Variants in JMJD1C observed in about 807,000 individuals in gnomAD.
The protein encoded by JMJD1C is jumonji domain-containing protein 1C.
JMJD1C carries 31 observed loss-of-function variants against 245.3 expected under a neutral mutation model. The observed-to-expected ratio is 0.13, with a 90% CI of 0.09 to 0.17. The LOEUF (loss-of-function observed/expected upper bound fraction) is 0.17, where lower values mean the gene tolerates loss of function less well. Ranked by LOEUF, JMJD1C falls within the 10% of genes least tolerant of loss-of-function variation. JMJD1C has a pLI of 1.00. For missense variants in JMJD1C, 2,691 were observed against 3,000.2 expected (o/e 0.90, Z 2.41); for synonymous variants, 1,057 against 1,017.4 (o/e 1.04, Z -0.74).
At chr10:63,221,537 T>C (rs1848598180) in intron 3 of JMJD1C, among the ~76,000 whole-genome samples, 3 of 152,176 alleles carry the variant, frequency 2.0e-5, no homozygotes, top group Admixed American at 2.0e-4. Flanking sequence ...AAATCTGTCA[T>C]TTTGGGAGAA....
At chr10:63,436,580 T>C (rs139592982) in intron 1 of JMJD1C, among the ~76,000 whole-genome samples, 233 of 152,320 alleles carry the variant, frequency 1.5e-3, no homozygotes, top group Non-Finnish European at 1.1e-3. Flanking sequence ...CATCATGCCA[T>C]TCAATATTAT....
intron 3 of JMJD1C, among the ~76,000 whole-genome samples, chr10:63,260,261 C>G (rs1286907877): frequency 6.6e-6 from 1 of 152,064 alleles, no homozygotes; most frequent in Non-Finnish European, 1.5e-5. Context: ...AATGTGATGC[C>G]TAAAAATACT....
At chr10:63,203,714 G>A in intron 10 of JMJD1C, 3 of 983,108 alleles carry the variant, frequency 3.1e-6, no homozygotes, top group Non-Finnish European at 3.6e-6. Flanking sequence ...CATTCCAAAA[G>A]AGTAGATAAG....
At chr10:63,435,656 T>C (rs895365399) in intron 1 of JMJD1C, among the ~76,000 whole-genome samples, 1 of 152,106 alleles carries the variant, frequency 6.6e-6, no homozygotes, top group African/African-American at 2.4e-5. Context: ...TCCCAGCACT[T>C]TGGGAGGCTG....
chr10:63,208,320 T>G lies in JMJD1C; in HGVS notation c.3349A>C (p.Ile1117Leu), dbSNP rs1240041207. 7.4e-6 allele frequency: 12 copies of G among 1,614,052 alleles called. No homozygotes were observed. The highest frequency in any genetic ancestry group is 1.1e-5 in the South Asian group (1 of 91,080). ...RSYPSKEVSN[I>L]YGDKQSNALA... is the part of the protein sequence containing the mutation. ...GCATTACTCTGTTTATCACCGTAAA[T>G]ATTTGAAACTTCTTTGGATGGGTAT... The change falls in exon 10 of 26, where the codon ATT (isoleucine) becomes CTT (leucine). Residue 1117 changes from isoleucine to leucine, a missense_variant. Transcript: ENST00000399262.
intron 2 of JMJD1C, among the ~76,000 whole-genome samples, chr10:63,319,569 TA>T (rs1414884789): frequency 1.3e-5 from 2 of 151,966 alleles, no homozygotes; most frequent in Non-Finnish European, 2.9e-5. Context: ...ATTCTCCACT[TA>T]AAAAAAATTA....
chr10:63,235,693 T>G (rs1041120281), intron 3 of JMJD1C, among the ~76,000 whole-genome samples: 1 of 152,190 alleles, frequency 6.6e-6, no homozygotes, highest in Non-Finnish European at 1.5e-5. Context: ...TAACAATACC[T>G]CTGCTATTTT....
chr10:63,339,993 G>A (rs1943220985), intron 2 of JMJD1C, among the ~76,000 whole-genome samples: 1 of 152,170 alleles, frequency 6.6e-6, no homozygotes, highest in Non-Finnish European at 1.5e-5. Context: ...CCAGGAGGCG[G>A]AGGTTGCAGT....
At chr10:63,447,423 A>G (rs1371824023) in intron 1 of JMJD1C, among the ~76,000 whole-genome samples, 1 of 152,202 alleles carries the variant, frequency 6.6e-6, no homozygotes, top group Non-Finnish European at 1.5e-5. Context: ...CAAAATGTTA[A>G]TGCATTTAGA....
intron 1 of JMJD1C, among the ~76,000 whole-genome samples, chr10:63,504,424 A>G (rs1056053979): frequency 2.0e-5 from 3 of 152,224 alleles, no homozygotes; most frequent in Admixed American, 6.5e-5. Context: ...AATAGCATTA[A>G]GAAGCCAATG....
intron 3 of JMJD1C, among the ~76,000 whole-genome samples, chr10:63,245,478 CTTT>C (rs71025134): frequency 2.4e-4 from 22 of 90,196 alleles, no homozygotes; most frequent in Non-Finnish European, 3.5e-4. Flanking sequence ...CAGGGGAACT[CTTT>C]TTTTTTTTTT....
At position 63,186,433 on chromosome 10, in the gene JMJD1C, TTTTGTTTG is replaced by T. The variant is rs371310737; in HGVS notation, c.6571-58_6571-51del. 5,095 of 1,431,372 alleles carry T rather than the reference TTTTGTTTG, an allele frequency of 3.6e-3. 16 individuals are homozygous for T. Among genetic ancestry groups the T allele is most frequent in the Non-Finnish European group, 4.4e-3 (4,668 of 1,058,896 alleles). 88.7% of individuals were successfully genotyped at this position (1,431,372 alleles called of 1,614,324 possible). A position where few individuals can be genotyped will look rare whatever the true frequency, so the allele number is the denominator to read the frequency against. On this transcript the variant is annotated intron_variant, in intron 18 of 25. Transcript: ENST00000399262. ...AGTTAAAAGATATATAGACTTTCTT[TTTTGTTTG>T]TTTGTTTGTTTGTTTGAGACAGAGT... is the stretch of plus-strand genomic sequence containing the variant.
At chr10:63,444,272 T>C (rs1318683980) in intron 1 of JMJD1C, among the ~76,000 whole-genome samples, 1 of 152,092 alleles carries the variant, frequency 6.6e-6, no homozygotes, top group Non-Finnish European at 1.5e-5. Flanking sequence ...TTTCTATTTA[T>C]TTATTTATTT....
Position 63,207,632 on chromosome 10 carries a change from G to T in JMJD1C, c.4037C>A (p.Ala1346Glu), listed in dbSNP as rs1338441887. The T allele has an allele frequency of 5.6e-6, 9 of 1,613,990 alleles. No homozygotes were observed. Among genetic ancestry groups the T allele is most frequent in the Middle Eastern group, 1.6e-4 (1 of 6,084 alleles). The part of the protein sequence containing the change: ...GAHKTDCLKL[A>E]EAGETGRIIL... ...GATTCTTCCAGTTTCTCCGGCTTCT[G>T]CTAGTTTGAGGCAATCTGTTTTATG... Residue 1346 changes from alanine to glutamate, a missense_variant, in exon 10 of 26, where the codon GCA (alanine) becomes GAA (glutamate). Around this residue, in one of 9 missense-constraint regions of JMJD1C, gnomAD observed 1,562 missense variants for 1,490.7 expected, o/e 1.05. Transcript: ENST00000399262.
At chr10:63,381,929 T>C (rs1431836581) in intron 1 of JMJD1C, among the ~76,000 whole-genome samples, 3 of 152,158 alleles carry the variant, frequency 2.0e-5, no homozygotes, top group Non-Finnish European at 2.9e-5. Context: ...GAGTAAATAG[T>C]AGCCATACGC....
At chr10:63,239,023 G>C (rs762247311) in intron 3 of JMJD1C, among the ~76,000 whole-genome samples, 2 of 152,138 alleles carry the variant, frequency 1.3e-5, no homozygotes, top group Non-Finnish European at 2.9e-5. Context: ...GGGTGACCTA[G>C]TTAGGTGTGT....
chr10:63,472,629 G>A (rs975424651), intron 1 of JMJD1C, among the ~76,000 whole-genome samples: 4 of 151,986 alleles, frequency 2.6e-5, no homozygotes, highest in Admixed American at 6.6e-5. Context: ...ACTGCGCCCC[G>A]CCCTGCAATT....
At chr10:63,267,995 C>T (rs935438026) in intron 2 of JMJD1C, among the ~76,000 whole-genome samples, 5 of 151,934 alleles carry the variant, frequency 3.3e-5, no homozygotes, top group African/African-American at 9.7e-5. Flanking sequence ...TTAAACACAA[C>T]TCAGCTGCTC....
chr10:63,224,900 A>G (rs1849059196), intron 3 of JMJD1C, among the ~76,000 whole-genome samples: 1 of 151,888 alleles, frequency 6.6e-6, no homozygotes, highest in South Asian at 2.1e-4. Flanking sequence ...CATCTCTACT[A>G]AAAATACAAA....
Sources: gnomAD v4.1 joint callset for allele counts (sites outside exome capture counted in the v4.1 genomes callset) on GRCh38, gnomAD v4.1.1 for gene constraint, gnomAD v4.1.1 regional missense constraint, MANE v1.5 for transcripts, NCBI Gene and HGNC (gene_info 2026-07-23, HGNC 2026-07-21) for gene names.